The following PRPF18 variants were observed in gnomAD, a reference collection of about 807,000 sequenced individuals.
PRPF18 encodes the protein pre-mRNA-splicing factor 18.
PRPF18 carries 38 observed loss-of-function variants against 46.5 expected under a neutral mutation model. The observed-to-expected ratio is 0.82, with a 90% CI of 0.63 to 1.07. The LOEUF is 1.07. Ranked by LOEUF, PRPF18 falls within the 50% of genes least tolerant of loss-of-function variation. PRPF18 has a pLI of 0.00. For synonymous variants in PRPF18, 152 were observed against 146.7 expected (o/e 1.04, Z -0.26); for missense variants, 263 against 410.0 (o/e 0.64, Z 3.10).
intron 8 of PRPF18, among the ~76,000 whole-genome samples, chr10:13,615,098 T>C (rs11258474): frequency 0.047 from 7,203 of 152,298 alleles, 509 homozygotes; most frequent in African/African-American, 0.15. Context: ...ATATTTTTTG[T>C]CTTACAGTTA....
At chr10:13,604,388 AC>A (rs1280862284) in intron 3 of PRPF18, among the ~76,000 whole-genome samples, 1 of 152,264 alleles carries the variant, frequency 6.6e-6, no homozygotes, top group Admixed American at 6.5e-5. Flanking sequence ...AAGTGTATGA[AC>A]CATGTTAGGG....
At position 13,614,084 on chromosome 10, in the gene PRPF18, A is replaced by G; in HGVS notation, c.790A>G (p.Lys264Glu). ...ATTCATGTTGCAGAGAGAATACGTG[A>G]AGGTACATTCCCATGCTGTTCTTTG... ...IKFMLQREYV[K>E]ANDAYLQMAI... The change falls in exon 8 of 10, where the codon AAG becomes GAG. Residue 264 changes from lysine to glutamate, a missense_variant and splice_region_variant. By Grantham distance (56) the Lys-to-Glu change is moderately conservative. Coordinates refer to ENST00000378572, the MANE Select transcript of PRPF18 (RefSeq NM_003675.4). 6.4e-7 allele frequency: 1 copy of G among 1,573,402 alleles called. No homozygotes were observed. The highest frequency in any genetic ancestry group is 8.7e-7 in the Non-Finnish European group (1 of 1,151,586).
chr10:13,622,160 G>A (rs1299178756), intron 9 of PRPF18, among the ~76,000 whole-genome samples: 1 of 152,200 alleles, frequency 6.6e-6, no homozygotes, highest in Non-Finnish European at 1.5e-5. Context: ...GCTATGGTAA[G>A]CTGTTTCCTA....
At chr10:13,614,442 A>G (rs1203881189) in intron 8 of PRPF18, among the ~76,000 whole-genome samples, 1 of 152,216 alleles carries the variant, frequency 6.6e-6, no homozygotes, top group Non-Finnish European at 1.5e-5. Context: ...CATAGAAACA[A>G]CGTTGTATAG....
chr10:13,652,399 T>G, the PRPF18 span: 1 of 195,162 alleles, frequency 5.1e-6, no homozygotes, highest in Non-Finnish European at 1.0e-5. Context: ...AATCATATAT[T>G]TGGATCAGGT....
At chr10:13,624,982 A>G (rs1170604034) in intron 9 of PRPF18, among the ~76,000 whole-genome samples, 5 of 152,214 alleles carry the variant, frequency 3.3e-5, no homozygotes, top group Non-Finnish European at 2.9e-5. Flanking sequence ...AGAAAAAAAG[A>G]CCTTCATAGA....
At chr10:13,629,182 G>A (rs1232023538) in intron 9 of PRPF18, among the ~76,000 whole-genome samples, 1 of 152,226 alleles carries the variant, frequency 6.6e-6, no homozygotes, top group Non-Finnish European at 1.5e-5. Context: ...CTTGAATTTT[G>A]TGAGATCGGT....
chr10:13,620,104 TA>T (rs906989954), intron 9 of PRPF18, among the ~76,000 whole-genome samples: 36 of 152,038 alleles, frequency 2.4e-4, no homozygotes, highest in African/African-American at 7.0e-4. Context: ...TGAATTCTCC[TA>T]AAAAAAAGAC....
chr10:13,643,795 ATAAAT>A, the PRPF18 span: 3 of 152,698 alleles, frequency 2.0e-5, no homozygotes, highest in East Asian at 3.8e-4. Flanking sequence ...TACAAAAAGA[ATAAAT>A]TAAAAGCAGA....
chr10:13,636,412 G>A, the PRPF18 span, among the ~76,000 whole-genome samples: 10 of 152,134 alleles, frequency 6.6e-5, no homozygotes, highest in African/African-American at 2.2e-4. Flanking sequence ...GAGTGAGACC[G>A]TGTCTCAAAA....
Position 13,613,785 on chromosome 10 carries a change from T to C in PRPF18, c.624T>C (p.Asp208=), listed in dbSNP as rs1564458417. ...VWAKELNARE[D]YVKRSVQGKL... ...CTAAAGAATTGAATGCCAGAGAAGA[T>C]TATGTGAAACGCAGTGTGCAGGGTA... The change falls in exon 7 of 10, where the codon GAT becomes GAC. Residue 208 remains aspartate (D), a synonymous_variant. Coordinates refer to ENST00000378572, the MANE Select transcript of PRPF18 (RefSeq NM_003675.4). 1.2e-6 allele frequency: 2 copies of C among 1,614,016 alleles called. No homozygotes were observed. The highest frequency in any genetic ancestry group is 1.7e-5 in the Admixed American group (1 of 59,972).
At position 13,600,272 on chromosome 10, in the gene PRPF18, C is replaced by G. The variant is rs772766068; in HGVS notation, c.173C>G (p.Pro58Arg). 6 of 1,611,460 alleles carry G rather than the reference C, an allele frequency of 3.7e-6. No individual in the cohort carries two copies. In the East Asian group the frequency reaches 1.3e-4, roughly 36 times the overall value. The change falls in exon 3 of 10, where the codon CCA becomes CGA. Residue 58 changes from proline to arginine, a missense_variant. This residue lies in a region of PRPF18 where 71 missense variants were observed against 69.2 expected (regional missense o/e 1.03). Coordinates refer to ENST00000378572, the MANE Select transcript of PRPF18 (RefSeq NM_003675.4). ...KIQPKEEDQK[P>R]LTSSNPVLEL... Reference sequence around the variant, plus strand: ...CAGCCAAAAGAGGAGGACCAGAAACCATTAACTTCATCGAATCCAGTGTTA... The same window carrying G: ...CAGCCAAAAGAGGAGGACCAGAAACGATTAACTTCATCGAATCCAGTGTTA...
At chr10:13,650,846 C>A in the PRPF18 span, among the ~76,000 whole-genome samples, 2 of 152,190 alleles carry the variant, frequency 1.3e-5, no homozygotes, top group Non-Finnish European at 2.9e-5. Context: ...TAAGCCCCCT[C>A]CTCCCACGGC....
At chr10:13,655,922 T>A in the PRPF18 span, 1 of 152,148 alleles carries the variant, frequency 6.6e-6, no homozygotes, top group Non-Finnish European at 1.5e-5. Flanking sequence ...AAATGTAACT[T>A]AAGGGAATGA....
the PRPF18 span, chr10:13,644,148 A>G: frequency 6.6e-6 from 1 of 152,500 alleles, no homozygotes; most frequent in African/African-American, 2.4e-5. Context: ...ATATAATAAA[A>G]TAAAAAATCA....
intron 3 of PRPF18, among the ~76,000 whole-genome samples, chr10:13,601,666 GTA>G (rs1045336512): frequency 4.6e-5 from 7 of 152,252 alleles, no homozygotes; most frequent in African/African-American, 1.7e-4. Flanking sequence ...GGGTGTGTGT[GTA>G]TGAACATTTT....
chr10:13,633,634 T>TG (rs1564467277), downstream of PRPF18, among the ~76,000 whole-genome samples: 2 of 152,086 alleles, frequency 1.3e-5, no homozygotes, highest in Non-Finnish European at 2.9e-5. Context: ...TAGAACGAAG[T>TG]GGGGCAGTTT....
Position 13,611,695 on chromosome 10 carries a change from A to C in PRPF18, c.579+12A>C, listed in dbSNP as rs760340346. The C allele has an allele frequency of 1.2e-6, 2 of 1,610,536 alleles. No homozygotes were observed. Among genetic ancestry groups the C allele is most frequent in the East Asian group, 4.5e-5 (2 of 44,864 alleles). On this transcript the variant is annotated intron_variant, in intron 6 of 9. Transcript: ENST00000378572. ...CCAAATTCCTGAAGGTGCGTGTCTT[A>C]GGCGAGGGGATGAGGATGCCTTGGA...
intron 9 of PRPF18, among the ~76,000 whole-genome samples, chr10:13,618,031 G>T (rs2080370721): frequency 6.6e-6 from 1 of 152,178 alleles, no homozygotes; most frequent in Non-Finnish European, 1.5e-5. Context: ...GTCTCTTAGG[G>T]TAGATGCTAG....
Sources: gnomAD v4.1 joint callset for allele counts (sites outside exome capture counted in the v4.1 genomes callset) on GRCh38, gnomAD v4.1.1 for gene constraint, gnomAD v4.1.1 regional missense constraint, MANE v1.5 for transcripts, NCBI Gene and HGNC (gene_info 2026-07-23, HGNC 2026-07-21) for gene names.